Variants in GALM observed in about 807,000 individuals in gnomAD.
GALM encodes galactose mutarotase, also known as aldose 1-epimerase.
In GALM, 43 loss-of-function variants were observed where a neutral mutation model predicts 37.4. The ratio of observed to expected loss-of-function variants is 1.15; its 90% CI spans 0.90 to 1.48. The LOEUF (loss-of-function observed/expected upper bound fraction) is 1.48. Among genes scored for constraint, GALM ranks in the 40% most tolerant of loss-of-function variants. GALM has a pLI of 0.00. For missense variants in GALM, 456 were observed against 419.1 expected (o/e 1.09, Z -0.77); for synonymous variants, 199 against 170.6 (o/e 1.17, Z -1.30).
At chr2:38,730,597 C>G (rs1220369979) in intron 5 of GALM, among the ~76,000 whole-genome samples, 2 of 152,054 alleles carry the variant, frequency 1.3e-5, no homozygotes, top group Non-Finnish European at 2.9e-5. Context: ...AAAAATGACT[C>G]AAACCAAATA....
chr2:38,669,220 T>C lies in GALM; in HGVS notation c.190+2869T>C, dbSNP rs1275167859. 6.6e-5 allele frequency: 10 copies of C among 152,238 alleles called. 1 individual carries two copies. Among genetic ancestry groups the C allele is most frequent in the South Asian group, 4.1e-4 (2 of 4,836 alleles). 9.4% of individuals were successfully genotyped at this position (152,238 alleles called of 1,614,324 possible). Reference sequence around the variant, plus strand: ...AGGCAGACAGCCCGGCACTACGCCATGGGCCTGGTAGTTAAAGATCGACCC... The same window carrying C: ...AGGCAGACAGCCCGGCACTACGCCACGGGCCTGGTAGTTAAAGATCGACCC... On this transcript the variant is annotated intron_variant, in intron 1 of 6. Coordinates refer to ENST00000272252, the MANE Select transcript of GALM (RefSeq NM_138801.3).
chr2:38,701,111 G>A (rs1665908004), intron 4 of GALM, among the ~76,000 whole-genome samples: 1 of 152,220 alleles, frequency 6.6e-6, no homozygotes, highest in Admixed American at 6.5e-5. Context: ...CTGGTACCCT[G>A]CTTAAGTATT....
At chr2:38,723,044 T>A (rs1177043152) in intron 4 of GALM, among the ~76,000 whole-genome samples, 1 of 152,184 alleles carries the variant, frequency 6.6e-6, no homozygotes, top group African/African-American at 2.4e-5. Context: ...GCCTCTGGGT[T>A]TTTTTCTGCC....
intron 4 of GALM, among the ~76,000 whole-genome samples, chr2:38,717,636 G>C (rs978176727): frequency 7.2e-5 from 11 of 151,932 alleles, no homozygotes; most frequent in Middle Eastern, 3.2e-3. Context: ...CCGGCCTCAA[G>C]TGATCCCCGC....
At chr2:38,686,036 A>G (rs1665511280) in intron 3 of GALM, among the ~76,000 whole-genome samples, 1 of 151,522 alleles carries the variant, frequency 6.6e-6, no homozygotes, top group Non-Finnish European at 1.5e-5. Flanking sequence ...CTCTTTAACG[A>G]AGGAATGTTA....
At chr2:38,670,508 G>T (rs73933116) in intron 1 of GALM, among the ~76,000 whole-genome samples, 11,337 of 152,214 alleles carry the variant, frequency 0.074, 565 homozygotes, top group East Asian at 0.15. Flanking sequence ...CTGGTTTAAA[G>T]TTCTGCTTCC....
At chr2:38,708,796 G>A (rs1666095166) in intron 4 of GALM, among the ~76,000 whole-genome samples, 1 of 152,024 alleles carries the variant, frequency 6.6e-6, no homozygotes, top group Admixed American at 6.6e-5. Flanking sequence ...TCCTCTGTGA[G>A]GCAGGGAAGT....
chr2:38,666,764 G>A (rs1462023400), intron 1 of GALM, among the ~76,000 whole-genome samples: 1 of 152,176 alleles, frequency 6.6e-6, no homozygotes, highest in Non-Finnish European at 1.5e-5. Flanking sequence ...TCAAATACTT[G>A]CCTCTTCTAC....
chr2:38,685,275 C>T (rs1243305931), intron 3 of GALM, among the ~76,000 whole-genome samples: 4 of 152,114 alleles, frequency 2.6e-5, no homozygotes, highest in African/African-American at 4.8e-5. Context: ...GGGGTGGGTC[C>T]TCTTCCCTGA....
chr2:38,683,813 C>T (rs891748414), intron 3 of GALM, among the ~76,000 whole-genome samples: 2 of 152,176 alleles, frequency 1.3e-5, no homozygotes, highest in African/African-American at 2.4e-5. Context: ...GTGATCCACC[C>T]GCTTCAGCCT....
Position 38,676,599 on chromosome 2 carries a change from C to T in GALM, c.345+533C>T, listed in dbSNP as rs374529720. 1.9e-3 allele frequency among the ~76,000 whole-genome samples: 282 copies of T among 152,090 alleles called. 2 individuals carry two copies. Among genetic ancestry groups the T allele is most frequent in the East Asian group, 4.9e-3 (25 of 5,154 alleles). ...CCAACATGGTAAAACCCCGTCTCTA[C>T]GAAAAATACAAAACTTAGCTGGGTG... On this transcript the variant is annotated intron_variant, in intron 2 of 6. Coordinates refer to ENST00000272252, the MANE Select transcript of GALM (RefSeq NM_138801.3).
intron 4 of GALM, among the ~76,000 whole-genome samples, chr2:38,690,819 C>A (rs551763347): frequency 2.0e-5 from 3 of 152,128 alleles, no homozygotes; most frequent in Admixed American, 2.0e-4. Flanking sequence ...GCCTGCATAC[C>A]CAACAGCAAC....
intron 4 of GALM, among the ~76,000 whole-genome samples, chr2:38,700,283 T>C (rs995289367): frequency 1.2e-4 from 18 of 152,136 alleles, no homozygotes; most frequent in African/African-American, 4.1e-4. Context: ...TGTTTTGTTG[T>C]TGATTTTCTG....
In GALM at chr2:38,689,903, A is replaced by G. The variant is rs1371511266; in HGVS notation, c.634+9A>G. The G allele has an allele frequency of 1.3e-6, 2 of 1,564,826 alleles. No individual in the cohort carries two copies. Among genetic ancestry groups the G allele is most frequent in the Admixed American group, 3.4e-5 (2 of 58,324 alleles). On this transcript the variant is annotated intron_variant, in intron 4 of 6. Coordinates refer to ENST00000272252, the MANE Select transcript of GALM (RefSeq NM_138801.3). ...AACCCTGATTCCTACAGGTTGGTGA[A>G]TTTAACCTTTTTGTGTTATGTGGGA...
At chr2:38,682,003 T>C (rs1008811250) in intron 3 of GALM, among the ~76,000 whole-genome samples, 5 of 152,238 alleles carry the variant, frequency 3.3e-5, no homozygotes, top group Non-Finnish European at 5.9e-5. Flanking sequence ...TTAGAAGACC[T>C]GGTTTTTTTA....
chr2:38,724,947 G>C (rs543076836), intron 4 of GALM, among the ~76,000 whole-genome samples: 2 of 152,266 alleles, frequency 1.3e-5, no homozygotes, highest in South Asian at 4.1e-4. Context: ...TATGCCCTCT[G>C]TCTTTCCTTC....
At chr2:38,685,397 C>A (rs964855953) in intron 3 of GALM, among the ~76,000 whole-genome samples, 1 of 152,172 alleles carries the variant, frequency 6.6e-6, no homozygotes, top group African/African-American at 2.4e-5. Flanking sequence ...AGTGTCTGTA[C>A]CCTCCTGCTA....
intron 4 of GALM, among the ~76,000 whole-genome samples, chr2:38,720,521 A>C (rs185047056): frequency 7.2e-5 from 11 of 152,066 alleles, no homozygotes; most frequent in African/African-American, 2.2e-4. Flanking sequence ...TAGGAGGTGA[A>C]AACATCACCT....
intron 2 of GALM, 131 bp downstream of exon 2, chr2:38,676,197 A>G: frequency 1.2e-6 from 1 of 850,312 alleles, no homozygotes. Flanking sequence ...TCCATGGTTC[A>G]GGGCAGCAGG....
Sources: gnomAD v4.1 joint callset for allele counts (sites outside exome capture counted in the v4.1 genomes callset) on GRCh38, gnomAD v4.1.1 for gene constraint, MANE v1.5 for transcripts, NCBI Gene and HGNC (gene_info 2026-07-23, HGNC 2026-07-21) for gene names.